Variants in SERGEF observed in about 807,000 individuals in gnomAD.
The protein encoded by SERGEF is secretion-regulating guanine nucleotide exchange factor.
Under a neutral mutation model 50.0 loss-of-function variants are expected in SERGEF, and 51 were observed. That is an observed-to-expected ratio of 1.02 (90% confidence interval 0.81 to 1.29). The LOEUF is 1.29. Among genes scored for constraint, SERGEF ranks in the 50% most tolerant of loss-of-function variants. The pLI is 0.00. For synonymous variants in SERGEF, 205 were observed against 212.4 expected (o/e 0.97, Z 0.30); for missense variants, 521 against 557.0 (o/e 0.94, Z 0.65).
chr11:17,838,090 T>C (rs571459821), intron 10 of SERGEF, among the ~76,000 whole-genome samples: 2 of 152,322 alleles, frequency 1.3e-5, no homozygotes, highest in East Asian at 3.9e-4. Context: ...GGGTGCCATA[T>C]GTGGCCTCTC....
intron 10 of SERGEF, among the ~76,000 whole-genome samples, chr11:17,815,480 T>C (rs1849956141): frequency 6.7e-6 from 1 of 148,196 alleles, no homozygotes; most frequent in Non-Finnish European, 1.5e-5. Flanking sequence ...CCGGGCGTGG[T>C]GGCACATGCC....
At chr11:17,998,464 T>C (rs1046852612) in intron 5 of SERGEF, among the ~76,000 whole-genome samples, 14 of 68,982 alleles carry the variant, frequency 2.0e-4, no homozygotes, top group South Asian at 1.0e-3. Context: ...TATATATATA[T>C]ATATATATAT....
At chr11:17,894,518 T>G (rs1412177337) in intron 9 of SERGEF, among the ~76,000 whole-genome samples, 1 of 152,212 alleles carries the variant, frequency 6.6e-6, no homozygotes, top group Non-Finnish European at 1.5e-5. Context: ...TATTATTAAG[T>G]GGTTTTCAAA....
Position 18,006,695 on chromosome 11 carries a change from A to T in SERGEF, c.248T>A (p.Leu83His). Residue 83 changes from leucine (L) to histidine (H), a missense_variant, in exon 3 of 11, where the codon CTT (leucine) becomes CAT (histidine). Physicochemically the swap from Leu to His is moderately conservative, Grantham distance 99. Transcript: ENST00000265965. ...CGLNKDGQLG[L>H]GHTEDIPYFT... is the part of the protein sequence containing the mutation. ...ATATGGGATATCCTCTGTGTGACCA[A>T]GCCCCAGTTGCCCATCTTTGTTCAG... 6.2e-7 allele frequency: 1 copy of T among 1,614,230 alleles called. No homozygotes were observed. Among genetic ancestry groups the T allele is most frequent in the Non-Finnish European group, 8.5e-7 (1 of 1,180,040 alleles).
chr11:17,822,980 G>A (rs1448067724), intron 10 of SERGEF, among the ~76,000 whole-genome samples: 1 of 152,100 alleles, frequency 6.6e-6, no homozygotes, highest in Non-Finnish European at 1.5e-5. Context: ...ACCAGCACTG[G>A]TACATTACTA....
chr11:18,007,552 A>G (rs1446273072), intron 2 of SERGEF, among the ~76,000 whole-genome samples: 4 of 152,214 alleles, frequency 2.6e-5, no homozygotes, highest in Non-Finnish European at 4.4e-5. Context: ...AGATACAGTA[A>G]GGGAAGATTA....
chr11:17,824,097 T>C (rs1479175896), intron 10 of SERGEF, among the ~76,000 whole-genome samples: 2 of 152,112 alleles, frequency 1.3e-5, no homozygotes, highest in Non-Finnish European at 2.9e-5. Context: ...ATCAGGAGAT[T>C]GAGACCATCC....
intron 10 of SERGEF, among the ~76,000 whole-genome samples, chr11:17,859,042 G>C (rs1850876647): frequency 6.6e-6 from 1 of 152,262 alleles, no homozygotes; most frequent in South Asian, 2.1e-4. Context: ...AGGCCATAGA[G>C]AGGCCATCCT....
intron 10 of SERGEF, among the ~76,000 whole-genome samples, chr11:17,869,030 C>A (rs1590166966): frequency 6.6e-6 from 1 of 152,162 alleles, no homozygotes; most frequent in East Asian, 1.9e-4. Flanking sequence ...CTTAAGTGAT[C>A]AGCCTGCCTT....
intron 9 of SERGEF, among the ~76,000 whole-genome samples, chr11:17,930,597 C>T (rs144429122): frequency 5.0e-4 from 76 of 152,266 alleles, no homozygotes; most frequent in African/African-American, 1.8e-3. Flanking sequence ...CCTTCCCCAT[C>T]TATGCTGTCC....
At chr11:17,910,187 A>ACTCTCTCTCTCTCT (rs1341010777) in intron 9 of SERGEF, among the ~76,000 whole-genome samples, 12 of 119,568 alleles carry the variant, frequency 1.0e-4, no homozygotes, top group Admixed American at 8.4e-4. Context: ...ACACACACAC[A>ACTCTCTCTCTCTCT]CACACACTCT....
chr11:17,790,372 C>T (rs1485788314), intron 10 of SERGEF, among the ~76,000 whole-genome samples: 1 of 151,520 alleles, frequency 6.6e-6, no homozygotes, highest in Non-Finnish European at 1.5e-5. Flanking sequence ...TCTTTACACT[C>T]ATCATTGTTT....
chr11:17,910,044 G>A (rs1851919211), intron 9 of SERGEF, among the ~76,000 whole-genome samples: 1 of 152,114 alleles, frequency 6.6e-6, no homozygotes, highest in African/African-American at 2.4e-5. Context: ...TGCCTCAGCT[G>A]CACTCAGGGG....
At chr11:17,822,072 T>C (rs1850097173) in intron 10 of SERGEF, among the ~76,000 whole-genome samples, 1 of 152,182 alleles carries the variant, frequency 6.6e-6, no homozygotes, top group Admixed American at 6.5e-5. Flanking sequence ...CAGAACCTTA[T>C]GACTGCAGAA....
chr11:17,924,772 C>T (rs919504218), intron 9 of SERGEF, among the ~76,000 whole-genome samples: 3 of 152,140 alleles, frequency 2.0e-5, no homozygotes, highest in Non-Finnish European at 4.4e-5. Flanking sequence ...GCAACTGGCC[C>T]TTGGCATTCC....
chr11:17,928,798 A>G (rs1164621283), intron 9 of SERGEF, among the ~76,000 whole-genome samples: 4 of 152,156 alleles, frequency 2.6e-5, no homozygotes, highest in Non-Finnish European at 4.4e-5. Flanking sequence ...AAGGGACTCA[A>G]ACTAGCTTGG....
intron 8 of SERGEF, among the ~76,000 whole-genome samples, chr11:17,967,160 C>A (rs1853141319): frequency 6.6e-6 from 1 of 152,156 alleles, no homozygotes; most frequent in Non-Finnish European, 1.5e-5. Context: ...AATATTAACG[C>A]ATAGAGAGAG....
chr11:17,877,421 C>T (rs759471207), intron 10 of SERGEF, among the ~76,000 whole-genome samples: 4 of 152,162 alleles, frequency 2.6e-5, no homozygotes, highest in Non-Finnish European at 5.9e-5. Context: ...AGGAGTTAAG[C>T]GTCATTCTAT....
intron 10 of SERGEF, among the ~76,000 whole-genome samples, chr11:17,826,391 A>G (rs958990478): frequency 6.6e-6 from 1 of 152,226 alleles, no homozygotes; most frequent in African/African-American, 2.4e-5. Context: ...TAGACTTTTA[A>G]TTCTCGGGCT....
Sources: allele counts gnomAD v4.1 joint callset (sites outside exome capture counted in the v4.1 genomes callset), GRCh38; gene constraint gnomAD v4.1.1; transcripts MANE v1.5; gene names NCBI Gene and HGNC (gene_info 2026-07-23, HGNC 2026-07-21).